Variants in GCC2 observed in about 807,000 individuals in gnomAD.
GCC2 encodes the protein GRIP and coiled-coil domain-containing protein 2.
GCC2 carries 120 observed loss-of-function variants against 210.6 expected under a neutral mutation model. The observed-to-expected ratio is 0.57, with a 90% confidence interval of 0.49 to 0.66. The LOEUF is 0.66. Ranked by LOEUF, GCC2 falls within the 30% of genes least tolerant of loss-of-function variation. The pLI is 0.00. For missense variants in GCC2, 1,868 were observed against 1,871.9 expected, an observed-to-expected ratio of 1.00 and a Z score of 0.04; for synonymous variants, 703 against 652.7, an observed-to-expected ratio of 1.08 and a Z score of -1.17.
Position 108,451,101 on chromosome 2 carries a change from C to A in GCC2, c.137C>A (p.Ser46Ter). ...ATGATGCTAATACAGAAAGCTAAAT[C>A]AAGGTGTACAGGTATTGGGTTGAAA... is the stretch of plus-strand genomic sequence containing the variant. ...KQMMLIQKAK[S>*]RCTELEKEIE... Residue 46 changes from serine (S) to a stop codon, truncating the protein, a stop_gained, in exon 3 of 23, where the codon TCA becomes TAA. Transcript: ENST00000309863. LOFTEE classifies it high-confidence loss of function. The A allele has an allele frequency of 6.3e-7, 1 of 1,598,656 alleles. No homozygotes were observed. The highest frequency in any genetic ancestry group is 8.6e-7 in the Non-Finnish European group (1 of 1,166,090).
At chr2:108,486,693 A>T in intron 16 of GCC2, 45 bp downstream of exon 16, 1 of 1,571,188 alleles carries the variant, frequency 6.4e-7, no homozygotes, top group East Asian at 2.3e-5. Flanking sequence ...GGATTTTATT[A>T]TCAGCTAGTC....
chr2:108,505,121 A>G (rs1393596834), intron 22 of GCC2, among the ~76,000 whole-genome samples: 1 of 152,266 alleles, frequency 6.6e-6, no homozygotes. Context: ...CATTGTTTGC[A>G]CAAGGGCAGG....
Position 108,507,919 on chromosome 2 carries a change from G to A in GCC2, c.*289G>A, listed in dbSNP as rs55720651. ...CACTCCCCACTTCTCTGGAACCTCA[G>A]GACCCGCCCATTTCTCGGCAGTACT... On this transcript the variant is annotated 3_prime_UTR_variant, in exon 23 of 23. Coordinates refer to ENST00000309863, the MANE Select transcript of GCC2 (RefSeq NM_181453.4). The A allele has an allele frequency of 0.016, 4,040 of 258,498 alleles. 160 individuals are homozygous for A. Among genetic ancestry groups the A allele is most frequent in the African/African-American group, 0.087 (3,772 of 43,236 alleles). 16.0% of individuals were successfully genotyped at this position (258,498 alleles called of 1,614,324 possible).
intron 7 of GCC2, among the ~76,000 whole-genome samples, chr2:108,474,211 A>C (rs1681390458): frequency 6.6e-6 from 1 of 152,178 alleles, no homozygotes; most frequent in Admixed American, 6.5e-5. Flanking sequence ...GAGTATAGCC[A>C]AAAGATGGAG....
Position 108,495,415 on chromosome 2 carries a change from G to A in GCC2, c.4572G>A (p.Glu1524=), listed in dbSNP as rs772206642. The A allele has an allele frequency of 1.3e-5, 21 of 1,592,482 alleles. No homozygotes were observed. The Admixed American group carries it at 3.5e-4, about 27-fold the overall frequency. ...EGEGMETTDT[E]SVSSASTYTQ... ...AAGGCATGGAGACAACTGATACGGAGTCTGTGTCTTCCGCCAGCACATACA... is the reference window on the plus strand; with the variant it reads ...AAGGCATGGAGACAACTGATACGGAATCTGTGTCTTCCGCCAGCACATACA... The change falls in exon 20 of 23, where the codon GAG becomes GAA. Residue 1524 remains glutamate, a synonymous_variant. Coordinates refer to ENST00000309863, the MANE Select transcript of GCC2 (RefSeq NM_181453.4).
chr2:108,458,807 TTTG>T (rs1303223837), intron 4 of GCC2, among the ~76,000 whole-genome samples: 2 of 152,092 alleles, frequency 1.3e-5, no homozygotes, highest in African/African-American at 4.8e-5. Flanking sequence ...GGTCTTCTTT[TTTG>T]TTGTTGTTAG....
At chr2:108,475,429 A>G (rs888752869) in intron 7 of GCC2, 106 bp from the exon 8 acceptor site, 7 of 532,112 alleles carry the variant, frequency 1.3e-5, no homozygotes, top group African/African-American at 9.9e-5. Context: ...TTTTAATATC[A>G]AATTACCAAT....
chr2:108,460,831 C>G (rs1278797309), intron 4 of GCC2, among the ~76,000 whole-genome samples: 1 of 152,132 alleles, frequency 6.6e-6, no homozygotes, highest in Non-Finnish European at 1.5e-5. Context: ...CATGAACTTC[C>G]TCCTTGCTTT....
chr2:108,487,590 T>C, intron 16 of GCC2, 109 bp from the exon 17 acceptor site: 2 of 992,958 alleles, frequency 2.0e-6, no homozygotes, highest in Non-Finnish European at 3.0e-6. Context: ...ATGTCAGCCA[T>C]TTTTCTCATT....
chr2:108,452,421 A>C lies in GCC2; in HGVS notation c.171A>C (p.Glu57Asp), dbSNP rs1469285419. ...TAGAATTGGAGAAAGAAATTGAAGA[A>C]CTCAGATCAAAACCTGTTACTGAAG... is the stretch of plus-strand genomic sequence containing the variant. The part of the protein sequence containing the change: ...RCTELEKEIE[E>D]LRSKPVTEGT... Residue 57 changes from glutamate (E) to aspartate (D), a missense_variant, in exon 4 of 23, where the codon GAA becomes GAC. Transcript: ENST00000309863. The C allele has an allele frequency of 1.3e-6, 2 of 1,546,238 alleles. No individual in the cohort carries two copies. Among genetic ancestry groups the C allele is most frequent in the Non-Finnish European group, 1.8e-6 (2 of 1,118,920 alleles).
chr2:108,489,928 A>G lies in GCC2; in HGVS notation c.4143A>G (p.Thr1381=). The G allele has an allele frequency of 6.2e-7, 1 of 1,609,138 alleles. No individual in the cohort carries two copies. The highest frequency in any genetic ancestry group is 8.5e-7 in the Non-Finnish European group (1 of 1,176,260). The change falls in exon 18 of 23, where the codon ACA becomes ACG. Residue 1381 remains threonine (T), a synonymous_variant. Coordinates refer to ENST00000309863, the MANE Select transcript of GCC2 (RefSeq NM_181453.4). ...NLQINVSELQ[T]LQSEHDTLLE... The stretch of plus-strand genomic sequence containing the variant: ...AGATTAATGTATCTGAACTTCAAAC[A>G]TTGCAGTCTGAACATGATACACTGC...
At position 108,469,853 on chromosome 2, in the gene GCC2, A is replaced by C; in HGVS notation, c.524A>C (p.Asn175Thr). 1 of 1,612,176 alleles carries C rather than the reference A, an allele frequency of 6.2e-7. No individual in the cohort carries two copies. The highest frequency in any genetic ancestry group is 1.1e-5 in the South Asian group (1 of 90,688). ...TCAGAACAACTTAAATTTCAGAACA[A>C]CTCTGAAGATAATGTTAAAAAACTA... is the stretch of plus-strand genomic sequence containing the variant. ...ELSEQLKFQN[N>T]SEDNVKKLQE... is the part of the protein sequence containing the mutation. Residue 175 changes from asparagine to threonine, a missense_variant, in exon 6 of 23, where the codon AAC becomes ACC. This residue lies in a region of GCC2 where 1,847 missense variants were observed against 1,765.2 expected (regional missense o/e 1.05). Coordinates refer to ENST00000309863, the MANE Select transcript of GCC2 (RefSeq NM_181453.4).
chr2:108,465,260 G>A (rs1323757492), intron 4 of GCC2, among the ~76,000 whole-genome samples: 1 of 152,144 alleles, frequency 6.6e-6, no homozygotes, highest in Non-Finnish European at 1.5e-5. Context: ...CACTATTTTG[G>A]TTCATAGTGG....
intron 9 of GCC2, among the ~76,000 whole-genome samples, chr2:108,477,460 C>T (rs1178623022): frequency 2.0e-5 from 3 of 152,110 alleles, no homozygotes; most frequent in African/African-American, 7.2e-5. Flanking sequence ...TCTTAAGAGA[C>T]CTCAGGGTCA....
In GCC2 at chr2:108,495,108, G is replaced by A. The variant is rs1285105490; in HGVS notation, c.4448-183G>A. Reference sequence around the variant, plus strand: ...TTACAGATTTGAGCCACCACGCCCAGCTTTGATGACTAAATTTTAAGAAAT... The same window carrying A: ...TTACAGATTTGAGCCACCACGCCCAACTTTGATGACTAAATTTTAAGAAAT... On this transcript the variant is annotated intron_variant, in intron 19 of 22. Transcript: ENST00000309863. The A allele has an allele frequency of 1.7e-5, 7 of 415,132 alleles. No individual in the cohort carries two copies. In the East Asian group the frequency reaches 3.1e-4, roughly 18 times the overall value. The allele number at this position is 415,132 out of a possible 1,614,324, so 25.7% of individuals were successfully genotyped here. A position where few individuals can be genotyped will look rare whatever the true frequency, so the allele number is the denominator to read the frequency against.
chr2:108,472,583 T>G (rs865842444), intron 6 of GCC2, among the ~76,000 whole-genome samples: 33 of 151,986 alleles, frequency 2.2e-4, no homozygotes, highest in Admixed American at 1.8e-3. Flanking sequence ...TGTATCAGGT[T>G]GTTTATCTTG....
At chr2:108,485,373 T>G (rs1306527861) in intron 13 of GCC2, among the ~76,000 whole-genome samples, 3 of 152,126 alleles carry the variant, frequency 2.0e-5, no homozygotes, top group Admixed American at 2.0e-4. Context: ...TTTATTCACT[T>G]TAACATTTCT....
In GCC2 at chr2:108,449,635, T is replaced by C; in HGVS notation, c.9T>C (p.Asp3=). 2 of 1,613,718 alleles carry C rather than the reference T, an allele frequency of 1.2e-6. No individual in the cohort carries two copies. The highest frequency in any genetic ancestry group is 1.6e-4 in the Middle Eastern group (1 of 6,062). Residue 3 remains aspartate (D), a splice_region_variant and synonymous_variant, in exon 2 of 23, where the codon GAT becomes GAC. Transcript: ENST00000309863. ...CTGGGTTTGATTTTGTTTTGCAGGATCTTGTTCAAGATGGGGTGGCTTCAC... is the reference window on the plus strand; with the variant it reads ...CTGGGTTTGATTTTGTTTTGCAGGACCTTGTTCAAGATGGGGTGGCTTCAC... ME[D]LVQDGVASPA...
At chr2:108,480,921 A>G (rs537175985) in intron 9 of GCC2, among the ~76,000 whole-genome samples, 6 of 152,344 alleles carry the variant, frequency 3.9e-5, no homozygotes, top group African/African-American at 1.4e-4. Flanking sequence ...AATTTTTTAA[A>G]AACACCATTT....
Sources: allele counts gnomAD v4.1 joint callset (sites outside exome capture counted in the v4.1 genomes callset), GRCh38; gene constraint gnomAD v4.1.1; regional missense constraint gnomAD v4.1.1; transcripts MANE v1.5; gene names NCBI Gene and HGNC (gene_info 2026-07-23, HGNC 2026-07-21).